DST: variants seen among roughly 807,000 people sequenced by gnomAD.
DST encodes the protein bullous pemphigoid antigen.
Under a neutral mutation model 875.2 loss-of-function variants are expected in DST, and 253 were observed. That is an observed-to-expected ratio of 0.29 (90% CI 0.26 to 0.32). DST has a LOEUF of 0.32. Ranked by LOEUF, DST falls within the 10% of genes least tolerant of loss-of-function variation. The probability of loss-of-function intolerance (pLI) is 1.00; values close to 1 mark genes in which losing one functional copy is unlikely to be tolerated. For missense variants in DST, 8,287 were observed against 9,111.6 expected (o/e 0.91, Z 3.68); for synonymous variants, 3,124 against 3,197.1 (o/e 0.98, Z 0.77).
intron 5 of DST, among the ~76,000 whole-genome samples, chr6:56,729,801 GTGAT>G (rs1337004039): frequency 3.3e-5 from 5 of 152,262 alleles, no homozygotes; most frequent in African/African-American, 1.2e-4. Context: ...AAAGAACAGT[GTGAT>G]TGATTTGGTG....
intron 4 of DST, among the ~76,000 whole-genome samples, chr6:56,769,198 C>T (rs952056131): frequency 4.6e-5 from 7 of 152,074 alleles, no homozygotes; most frequent in Non-Finnish European, 1.0e-4. Context: ...TAAAAAGATG[C>T]TCAACACCAT....
At chr6:56,777,656 T>G (rs1403217761) in intron 4 of DST, among the ~76,000 whole-genome samples, 1 of 151,998 alleles carries the variant, frequency 6.6e-6, no homozygotes, top group Admixed American at 6.5e-5. Flanking sequence ...ATGGGGTCTC[T>G]GTCATATGAA....
Position 56,598,045 on chromosome 6 carries a change from G to T in DST, c.11929-39C>A, listed in dbSNP as rs1218237129. The T allele has an allele frequency of 1.8e-5, 28 of 1,520,380 alleles. No homozygotes were observed. The Admixed American group carries it at 5.4e-4, about 29-fold the overall frequency. 94.2% of individuals were successfully genotyped at this position (1,520,380 alleles called of 1,614,324 possible). A position where few individuals can be genotyped will look rare whatever the true frequency, so the allele number is the denominator to read the frequency against. ...GTTCACAGGAGGAATTCAGAACGTGGGCCAAGGCATAGTTTTAAGACATTC... is the reference window on the plus strand; with the variant it reads ...GTTCACAGGAGGAATTCAGAACGTGTGCCAAGGCATAGTTTTAAGACATTC... On this transcript the variant is annotated intron_variant, in intron 46 of 103. Coordinates refer to ENST00000680361, the MANE Select transcript of DST (RefSeq NM_001374736.1).
chr6:56,463,092 G>A lies in DST; in HGVS notation c.23024C>T (p.Pro7675Leu). ...GTCTGAGCACTCTGCTGCTTTACAA[G>A]GAGTTGACATTTTGCTGTTTGTCAA... is the stretch of plus-strand genomic sequence containing the variant. The part of the protein sequence containing the change: ...PWLTNSKMST[P>L]CKAAECSDFP... Residue 7675 changes from proline (P) to leucine (L), a missense_variant, in exon 102 of 104, where the codon CCT (proline) becomes CTT (leucine). Pro to Leu is a moderately conservative substitution (Grantham distance 98). Transcript: ENST00000680361. 6.2e-7 allele frequency: 1 copy of A among 1,613,742 alleles called. No homozygotes were observed. The highest frequency in any genetic ancestry group is 8.5e-7 in the Non-Finnish European group (1 of 1,179,752).
intron 4 of DST, among the ~76,000 whole-genome samples, chr6:56,745,486 T>C (rs2099569579): frequency 6.6e-6 from 1 of 152,146 alleles, no homozygotes; most frequent in African/African-American, 2.4e-5. Context: ...TATACAATAT[T>C]AGAAATAAGA....
intron 3 of DST, among the ~76,000 whole-genome samples, chr6:56,889,968 A>G (rs553389263): frequency 4.5e-4 from 68 of 152,352 alleles, no homozygotes; most frequent in African/African-American, 1.5e-3. Context: ...TAGTTTAAAA[A>G]CACAAAGATT....
intron 55 of DST, among the ~76,000 whole-genome samples, chr6:56,565,974 C>A (rs2097669452): frequency 6.6e-6 from 1 of 152,216 alleles, no homozygotes; most frequent in African/African-American, 2.4e-5. Context: ...TTCGAACTTC[C>A]CTGGCAGTTT....
chr6:56,485,487 G>C lies in DST; in HGVS notation c.21048-16C>G. ...TTTGTTTTGTCTAGGGAAAAAGGTA[G>C]AAAAATTGATCCTTGCAACAAAAAA... On this transcript the variant is annotated splice_polypyrimidine_tract_variant and intron_variant, in intron 87 of 103. Coordinates refer to ENST00000680361, the MANE Select transcript of DST (RefSeq NM_001374736.1). 3 of 1,608,684 alleles carry C rather than the reference G, an allele frequency of 1.9e-6. No individual in the cohort carries two copies. Among genetic ancestry groups the C allele is most frequent in the Non-Finnish European group, 2.5e-6 (3 of 1,177,396 alleles).
chr6:56,951,668 G>A (rs1462799981), intron 2 of DST, among the ~76,000 whole-genome samples: 3 of 152,112 alleles, frequency 2.0e-5, no homozygotes, highest in East Asian at 1.9e-4. Context: ...ACTTATAAAT[G>A]GCATTCTTTG....
rs1260558991 is a variant in DST at position 56,526,439 on chromosome 6, A to G, written c.18051T>C (p.Asn6017=). 3.1e-6 allele frequency: 5 copies of G among 1,613,836 alleles called. No individual in the cohort carries two copies. The highest frequency in any genetic ancestry group is 4.2e-6 in the Non-Finnish European group (5 of 1,179,810). The change falls in exon 69 of 104, where the codon AAT becomes AAC. Residue 6017 remains asparagine, a synonymous_variant. Transcript: ENST00000680361. ...TGTCGCTCACTAATCGGTAGCGCTCATTGTCCTCAGCTACCATTTTCTCAA... is the reference window on the plus strand; with the variant it reads ...TGTCGCTCACTAATCGGTAGCGCTCGTTGTCCTCAGCTACCATTTTCTCAA... The part of the protein sequence containing the change: ...EGLEKMVAED[N]ERYRLVSDTI...
At chr6:56,885,596 G>C (rs1403728942) in intron 3 of DST, among the ~76,000 whole-genome samples, 1 of 152,132 alleles carries the variant, frequency 6.6e-6, no homozygotes, top group African/African-American at 2.4e-5. Context: ...ATTATGTCAT[G>C]GGGGCTCACC....
intron 90 of DST, among the ~76,000 whole-genome samples, chr6:56,479,275 C>T (rs1456230167): frequency 6.6e-6 from 1 of 152,084 alleles, no homozygotes; most frequent in Non-Finnish European, 1.5e-5. Context: ...AGTGAAAAAA[C>T]AACAAATGAT....
intron 22 of DST, among the ~76,000 whole-genome samples, chr6:56,637,156 A>C (rs1475458883): frequency 6.6e-6 from 1 of 152,148 alleles, no homozygotes; most frequent in Non-Finnish European, 1.5e-5. Flanking sequence ...CTCTTATCTA[A>C]GACTTCTCAC....
chr6:56,640,457 G>A lies in DST; in HGVS notation c.2176C>T (p.His726Tyr), dbSNP rs1289413987. ...GTCAGCCCTGAGGTCAGACTAGGGT[G>A]TAAGGTCTGTGCAAATCCTGAGTTT... is the stretch of plus-strand genomic sequence containing the variant. ...SLNSGFAQTL[H>Y]PSLTSGLTQS... Residue 726 changes from histidine to tyrosine, a missense_variant, in exon 18 of 104, where the codon CAC (histidine) becomes TAC (tyrosine). By Grantham distance (83) the His-to-Tyr change is moderately conservative. This residue lies in a region of DST where 1,160 missense variants were observed against 1,424.3 expected (regional missense o/e 0.81). Coordinates refer to ENST00000680361, the MANE Select transcript of DST (RefSeq NM_001374736.1). 1.2e-6 allele frequency: 2 copies of A among 1,614,088 alleles called. No individual in the cohort carries two copies. Among genetic ancestry groups the A allele is most frequent in the Non-Finnish European group, 1.7e-6 (2 of 1,180,042 alleles).
chr6:56,618,051 G>A (rs769001471), intron 36 of DST: 1 of 1,614,034 alleles, frequency 6.2e-7, no homozygotes, highest in African/African-American at 1.3e-5. Context: ...CTAACAGGTG[G>A]TCTAGAATTG....
intron 4 of DST, among the ~76,000 whole-genome samples, chr6:56,838,745 A>T (rs2153070047): frequency 6.6e-6 from 1 of 152,330 alleles, no homozygotes; most frequent in African/African-American, 2.4e-5. Flanking sequence ...TACACTCCTT[A>T]TTGTGTGAGG....
intron 49 of DST, among the ~76,000 whole-genome samples, chr6:56,584,864 G>C (rs1396712734): frequency 6.6e-6 from 1 of 152,076 alleles, no homozygotes; most frequent in African/African-American, 2.4e-5. Context: ...TGTGGTTTTT[G>C]TCTTTGGTTC....
intron 2 of DST, among the ~76,000 whole-genome samples, chr6:56,923,027 T>C (rs1396935161): frequency 6.6e-6 from 1 of 152,110 alleles, no homozygotes; most frequent in Non-Finnish European, 1.5e-5. Context: ...CAATCTAACA[T>C]ATAAGTTTTA....
chr6:56,619,132 T>C (rs1416402051), intron 36 of DST: 3 of 1,613,904 alleles, frequency 1.9e-6, no homozygotes, highest in Non-Finnish European at 2.5e-6. Context: ...TTTTTGTCTG[T>C]TTATGCAAGT....
Sources: allele counts gnomAD v4.1 joint callset (sites outside exome capture counted in the v4.1 genomes callset), GRCh38; gene constraint gnomAD v4.1.1; regional missense constraint gnomAD v4.1.1; transcripts MANE v1.5; gene names NCBI Gene and HGNC (gene_info 2026-07-23, HGNC 2026-07-21).